Variants in FOXP2 observed in about 807,000 individuals in gnomAD.
The protein encoded by FOXP2 is forkhead box P2, also known as forkhead box protein P2.
A neutral mutation model predicts 115.8 loss-of-function variants in FOXP2; 12 were observed. The ratio of observed to expected loss-of-function variants is 0.10; its 90% CI spans 0.07 to 0.17. FOXP2 has a LOEUF of 0.17. FOXP2 is among the 10% of genes least tolerant of loss of function. The pLI is 1.00. For synonymous variants in FOXP2, 328 were observed against 297.7 expected, an observed-to-expected ratio of 1.10 and a Z score of -1.05; for missense variants, 629 against 843.5, an observed-to-expected ratio of 0.75 and a Z score of 3.15.
intron 1 of FOXP2, among the ~76,000 whole-genome samples, chr7:114,239,375 A>G (rs1795095570): frequency 6.6e-6 from 1 of 152,218 alleles, no homozygotes; most frequent in Non-Finnish European, 1.5e-5. Context: ...TAAAGTCTTT[A>G]CTTAATGTCA....
intron 3 of FOXP2, among the ~76,000 whole-genome samples, chr7:114,546,574 A>T (rs1054141257): frequency 1.3e-5 from 2 of 152,040 alleles, no homozygotes; most frequent in South Asian, 2.1e-4. Flanking sequence ...CCTGCTTCTC[A>T]TCTGTTTAGA....
intron 1 of FOXP2, among the ~76,000 whole-genome samples, chr7:114,236,028 G>A (rs1345763609): frequency 6.6e-5 from 10 of 152,148 alleles, no homozygotes; most frequent in Non-Finnish European, 1.3e-4. Flanking sequence ...CTCCTTGGGA[G>A]AAACATCTAT....
At chr7:114,617,738 A>T (rs1312979019) in intron 3 of FOXP2, among the ~76,000 whole-genome samples, 1 of 152,238 alleles carries the variant, frequency 6.6e-6, no homozygotes, top group Non-Finnish European at 1.5e-5. Flanking sequence ...GGTTGCAGTG[A>T]GCTGAGATCG....
chr7:114,176,298 T>TTCTTTCTTTCTTTCTTTCTCTCTCTCTC (rs368923204), intron 1 of FOXP2, among the ~76,000 whole-genome samples: 7 of 76,574 alleles, frequency 9.1e-5, no homozygotes, highest in African/African-American at 3.8e-4. Context: ...CTTTCTTTCT[T>TTCTTTCTTTCTTTCTTTCTCTCTCTCTC]TCTCTCTCTC....
chr7:114,408,637 G>A (rs1286602570), intron 2 of FOXP2, among the ~76,000 whole-genome samples: 4 of 152,098 alleles, frequency 2.6e-5, no homozygotes, highest in Non-Finnish European at 4.4e-5. Flanking sequence ...TGAGGCAGGA[G>A]AATCGCTTGA....
intron 1 of FOXP2, among the ~76,000 whole-genome samples, chr7:114,090,702 A>T (rs1454072026): frequency 6.6e-6 from 1 of 151,796 alleles, no homozygotes; most frequent in Non-Finnish European, 1.5e-5. Context: ...TTCCTTCCTT[A>T]GGTGAAATAA....
At position 114,319,649 on chromosome 7, in the gene FOXP2, A is replaced by G. The variant is rs528178107; in HGVS notation, c.-11+31540A>G. ...AACATGGGAAAGACCCACCCCCATG[A>G]ATCAGTCACCTCCCACTGGGTCCCT... On this transcript the variant is annotated intron_variant, in intron 2 of 17. Coordinates refer to the FOXP2 transcript ENST00000634411. Among the ~76,000 whole-genome samples the G allele has an allele frequency of 3.0e-3, 459 of 152,304 alleles. 4 individuals are homozygous for G. The highest frequency in any genetic ancestry group is 0.011 in the African/African-American group (450 of 41,572).
intron 1 of FOXP2, among the ~76,000 whole-genome samples, chr7:114,138,524 T>G (rs533901468): frequency 6.6e-6 from 1 of 151,890 alleles, no homozygotes; most frequent in Non-Finnish European, 1.5e-5. Context: ...CCCGAGTAGC[T>G]GGGATTACAG....
At chr7:114,099,508 A>G (rs1799728774) in intron 1 of FOXP2, among the ~76,000 whole-genome samples, 1 of 152,146 alleles carries the variant, frequency 6.6e-6, no homozygotes, top group Admixed American at 6.5e-5. Flanking sequence ...TGACCCACAA[A>G]TCCCTCTTCT....
intron 1 of FOXP2, among the ~76,000 whole-genome samples, chr7:114,094,757 G>A (rs1799609227): frequency 6.6e-6 from 1 of 152,056 alleles, no homozygotes; most frequent in East Asian, 1.9e-4. Flanking sequence ...GCCCTCCTGG[G>A]CTCAAGTGAT....
At chr7:114,577,100 A>T (rs1801613798) in intron 3 of FOXP2, among the ~76,000 whole-genome samples, 1 of 151,986 alleles carries the variant, frequency 6.6e-6, no homozygotes, top group South Asian at 2.1e-4. Flanking sequence ...ATTGTTTGTT[A>T]TGCATAGGAT....
At chr7:114,225,127 G>A (rs951189025) in intron 1 of FOXP2, among the ~76,000 whole-genome samples, 6 of 151,838 alleles carry the variant, frequency 4.0e-5, no homozygotes, top group African/African-American at 1.2e-4. Flanking sequence ...TAGGATTTTG[G>A]TCTATAATTT....
intron 2 of FOXP2, among the ~76,000 whole-genome samples, chr7:114,360,917 CA>C (rs1302241605): frequency 1.3e-5 from 2 of 152,116 alleles, no homozygotes; most frequent in Non-Finnish European, 2.9e-5. Context: ...ATTTCATGGA[CA>C]ACTTAAATAC....
At chr7:114,600,816 A>C (rs948023104) in intron 3 of FOXP2, among the ~76,000 whole-genome samples, 28 of 152,118 alleles carry the variant, frequency 1.8e-4, no homozygotes, top group African/African-American at 6.3e-4. Context: ...GTGTCTCTTC[A>C]GATCTTTTGC....
chr7:114,213,792 A>G (rs1020987909), intron 1 of FOXP2, among the ~76,000 whole-genome samples: 1 of 152,206 alleles, frequency 6.6e-6, no homozygotes, highest in Non-Finnish European at 1.5e-5. Context: ...AATCATTGTT[A>G]TAACAATTAA....
intron 2 of FOXP2, among the ~76,000 whole-genome samples, chr7:114,427,120 G>A (rs757241163): frequency 1.3e-4 from 19 of 151,800 alleles, no homozygotes; most frequent in African/African-American, 4.3e-4. Flanking sequence ...GCTTGCCTGC[G>A]TTAGCTGCAA....
At chr7:114,381,430 A>C (rs1001279976) in intron 2 of FOXP2, among the ~76,000 whole-genome samples, 1 of 152,120 alleles carries the variant, frequency 6.6e-6, no homozygotes, top group Non-Finnish European at 1.5e-5. Context: ...ATGAGAATTG[A>C]CTCAAGTCTT....
At chr7:114,333,518 C>T (rs1255083585) in intron 2 of FOXP2, among the ~76,000 whole-genome samples, 3 of 152,128 alleles carry the variant, frequency 2.0e-5, no homozygotes, top group Non-Finnish European at 4.4e-5. Flanking sequence ...ATCGGAAGGC[C>T]GAGGCGGGCC....
intron 3 of FOXP2, among the ~76,000 whole-genome samples, chr7:114,608,302 G>A (rs1202716903): frequency 1.3e-5 from 2 of 152,220 alleles, no homozygotes; most frequent in Admixed American, 1.3e-4. Context: ...TCACCTGGAA[G>A]TTTTTCAGAA....
Sources: gnomAD v4.1 joint callset for allele counts (sites outside exome capture counted in the v4.1 genomes callset) on GRCh38, gnomAD v4.1.1 for gene constraint, MANE v1.5 for transcripts, NCBI Gene and HGNC (gene_info 2026-07-23, HGNC 2026-07-21) for gene names.